KCNIP4: variants seen among roughly 807,000 people sequenced by gnomAD.
KCNIP4 encodes the protein potassium voltage-gated channel interacting protein 4, also known as Kv channel-interacting protein 4.
Under a neutral mutation model 34.0 loss-of-function variants are expected in KCNIP4, and 12 were observed. That is an observed-to-expected ratio of 0.35 (90% CI 0.23 to 0.57). The LOEUF is 0.57. Ranked by LOEUF, KCNIP4 falls within the 20% of genes least tolerant of loss-of-function variation. KCNIP4 has a pLI of 0.83. For missense variants in KCNIP4, 238 were observed against 311.7 expected (o/e 0.76, Z 1.78); for synonymous variants, 124 against 102.2 (o/e 1.21, Z -1.29).
intron 1 of KCNIP4, among the ~76,000 whole-genome samples, chr4:21,240,448 T>C (rs545605111): frequency 6.6e-6 from 1 of 152,222 alleles, no homozygotes; most frequent in African/African-American, 2.4e-5. Flanking sequence ...CTTTTAAACA[T>C]GCTAGCCATC....
intron 1 of KCNIP4, among the ~76,000 whole-genome samples, chr4:21,888,312 TG>T (rs1726901852): frequency 6.6e-6 from 1 of 152,144 alleles, no homozygotes. Flanking sequence ...GAATTACTCA[TG>T]GAGGTCCTCT....
chr4:21,810,547 G>A (rs767438111), intron 1 of KCNIP4, among the ~76,000 whole-genome samples: 5 of 151,976 alleles, frequency 3.3e-5, no homozygotes, highest in South Asian at 2.1e-4. Context: ...AAAACTAGCC[G>A]GGCATAGGGG....
chr4:21,143,972 T>G, intron 1 of KCNIP4, among the ~76,000 whole-genome samples: 1 of 152,112 alleles, frequency 6.6e-6, no homozygotes, highest in Admixed American at 6.6e-5. Context: ...TCTCCCAAAG[T>G]GCTGCGATTA....
chr4:20,965,414 G>A (rs1560606815), intron 1 of KCNIP4, among the ~76,000 whole-genome samples: 1 of 152,132 alleles, frequency 6.6e-6, no homozygotes, highest in Non-Finnish European at 1.5e-5. Context: ...CTAAGAGGAG[G>A]TAACTCATGG....
chr4:21,526,364 C>G (rs1234429518), intron 1 of KCNIP4, among the ~76,000 whole-genome samples: 1 of 152,084 alleles, frequency 6.6e-6, no homozygotes, highest in Non-Finnish European at 1.5e-5. Flanking sequence ...CATCTTCTAC[C>G]ATGATTTTGA....
At chr4:20,890,164 G>A (rs1349580984) in intron 1 of KCNIP4, among the ~76,000 whole-genome samples, 1 of 152,122 alleles carries the variant, frequency 6.6e-6, no homozygotes, top group Non-Finnish European at 1.5e-5. Flanking sequence ...GCTAGGAACT[G>A]TCTCAGATGC....
intron 1 of KCNIP4, among the ~76,000 whole-genome samples, chr4:21,605,624 G>C (rs1743583788): frequency 6.6e-6 from 1 of 152,136 alleles, no homozygotes; most frequent in South Asian, 2.1e-4. Flanking sequence ...GGTACTACAG[G>C]TGCCCGCCAC....
chr4:21,835,016 T>C (rs2109311059), intron 1 of KCNIP4, among the ~76,000 whole-genome samples: 1 of 152,276 alleles, frequency 6.6e-6, no homozygotes, highest in Admixed American at 6.5e-5. Context: ...TGAGGATTTT[T>C]GCATCAATGT....
chr4:21,386,224 A>G (rs1413842889), intron 1 of KCNIP4, among the ~76,000 whole-genome samples: 1 of 152,182 alleles, frequency 6.6e-6, no homozygotes, highest in Non-Finnish European at 1.5e-5. Flanking sequence ...TAGACAATAA[A>G]GAGAAATTGA....
At chr4:21,614,092 C>A (rs865825108) in intron 1 of KCNIP4, among the ~76,000 whole-genome samples, 1 of 151,326 alleles carries the variant, frequency 6.6e-6, no homozygotes, top group East Asian at 1.9e-4. Context: ...TTGCAGTGAG[C>A]CGAGATGGTG....
chr4:21,306,769 G>A (rs746273107), intron 1 of KCNIP4, among the ~76,000 whole-genome samples: 2 of 151,848 alleles, frequency 1.3e-5, no homozygotes, highest in Non-Finnish European at 2.9e-5. Flanking sequence ...AGTGCTTTGT[G>A]TTCACATTTA....
rs991446234 is a variant in KCNIP4 at position 20,837,354 on chromosome 4, A to G, written c.288+13189T>C. Among the ~76,000 whole-genome samples, 2 of 152,104 alleles carry G rather than the reference A, an allele frequency of 1.3e-5. 1 individual carries two copies. Among genetic ancestry groups the G allele is most frequent in the Non-Finnish European group, 2.9e-5 (2 of 68,022 alleles). ...AAAAGACTTCCAAAGCTTTGGCAAC[A>G]TATTTTATTTTAATAAAGATTCAAA... On this transcript the variant is annotated intron_variant, in intron 3 of 8. Coordinates refer to ENST00000382152, the MANE Select transcript of KCNIP4 (RefSeq NM_025221.6).
chr4:21,434,745 C>T (rs1259263204), intron 1 of KCNIP4, among the ~76,000 whole-genome samples: 1 of 150,708 alleles, frequency 6.6e-6, no homozygotes, highest in Middle Eastern at 3.2e-3. Context: ...TCCCCGCCCC[C>T]CTCCCCACAA....
intron 2 of KCNIP4, among the ~76,000 whole-genome samples, chr4:20,876,146 A>G (rs967663366): frequency 1.3e-5 from 2 of 152,214 alleles, no homozygotes; most frequent in African/African-American, 4.8e-5. Flanking sequence ...AGATGTTGTT[A>G]TGAGTTAAAT....
At chr4:20,906,389 A>G (rs561106653) in intron 1 of KCNIP4, among the ~76,000 whole-genome samples, 3 of 152,266 alleles carry the variant, frequency 2.0e-5, no homozygotes, top group South Asian at 2.1e-4. Context: ...AGATTCATCT[A>G]TGTCTCACCC....
chr4:21,638,614 C>G (rs1577734601), intron 1 of KCNIP4, among the ~76,000 whole-genome samples: 1 of 152,222 alleles, frequency 6.6e-6, no homozygotes, highest in Admixed American at 6.5e-5. Context: ...TCTTGGGCAG[C>G]AAAGATTTCA....
chr4:21,514,083 C>T (rs894779912), intron 1 of KCNIP4, among the ~76,000 whole-genome samples: 1 of 152,092 alleles, frequency 6.6e-6, no homozygotes, highest in Non-Finnish European at 1.5e-5. Flanking sequence ...AGGTATTAGC[C>T]TTGTGTTGTC....
intron 1 of KCNIP4, among the ~76,000 whole-genome samples, chr4:21,446,895 G>T (rs1176179627): frequency 6.6e-6 from 1 of 151,574 alleles, no homozygotes; most frequent in African/African-American, 2.4e-5. Flanking sequence ...ACATTCTATT[G>T]TATGGCTATA....
chr4:20,920,858 G>A (rs574440126), intron 1 of KCNIP4, among the ~76,000 whole-genome samples: 5 of 152,164 alleles, frequency 3.3e-5, no homozygotes, highest in African/African-American at 1.2e-4. Context: ...GTGTGGTGGT[G>A]CATTCCTGTA....
Sources: allele counts gnomAD v4.1 joint callset (sites outside exome capture counted in the v4.1 genomes callset), GRCh38; gene constraint gnomAD v4.1.1; transcripts MANE v1.5; gene names NCBI Gene and HGNC (gene_info 2026-07-23, HGNC 2026-07-21).